Variants in GMDS observed in about 807,000 individuals in gnomAD.
GMDS encodes GDP-mannose 4,6-dehydratase.
Under a neutral mutation model 49.9 loss-of-function variants are expected in GMDS, and 20 were observed. The ratio of observed to expected loss-of-function variants is 0.40; its 90% confidence interval spans 0.28 to 0.58. The LOEUF (loss-of-function observed/expected upper bound fraction) is 0.58. GMDS is among the 20% of genes least tolerant of loss of function. The pLI, the probability that GMDS is intolerant of heterozygous loss-of-function variation, is 0.42. For synonymous variants in GMDS, 177 were observed against 178.6 expected, an observed-to-expected ratio of 0.99 and a Z score of 0.07; for missense variants, 362 against 481.4, an observed-to-expected ratio of 0.75 and a Z score of 2.32.
At chr6:2,024,127 T>C (rs1210020021) in intron 4 of GMDS, among the ~76,000 whole-genome samples, 1 of 151,932 alleles carries the variant, frequency 6.6e-6, no homozygotes, top group East Asian at 1.9e-4. Context: ...ATAGCAAAAA[T>C]AGATAGTAAG....
intron 4 of GMDS, among the ~76,000 whole-genome samples, chr6:2,080,494 T>C (rs1046406423): frequency 1.3e-5 from 2 of 152,202 alleles, no homozygotes; most frequent in Non-Finnish European, 2.9e-5. Context: ...TGAACATGTA[T>C]CTATGGTGTT....
intron 9 of GMDS, among the ~76,000 whole-genome samples, chr6:1,675,936 C>T (rs1333591460): frequency 6.6e-6 from 1 of 151,998 alleles, no homozygotes; most frequent in African/African-American, 2.4e-5. Context: ...ATAAACACCT[C>T]TACACAAATA....
At chr6:2,210,764 T>C (rs1780028274) in intron 1 of GMDS, among the ~76,000 whole-genome samples, 1 of 152,184 alleles carries the variant, frequency 6.6e-6, no homozygotes, top group Admixed American at 6.5e-5. Flanking sequence ...TCACACCACA[T>C]GTAGTTCATC....
chr6:1,975,552 G>C (rs1352514517), intron 4 of GMDS, among the ~76,000 whole-genome samples: 1 of 152,218 alleles, frequency 6.6e-6, no homozygotes, highest in East Asian at 1.9e-4. Context: ...GGCCAGTTTA[G>C]AGATTATTCT....
At chr6:1,921,786 A>G (rs549124287) in intron 7 of GMDS, among the ~76,000 whole-genome samples, 6 of 152,322 alleles carry the variant, frequency 3.9e-5, no homozygotes, top group Non-Finnish European at 5.9e-5. Flanking sequence ...TTCTAAATAC[A>G]GATAAAGGAG....
chr6:2,012,807 A>C (rs757960727), intron 4 of GMDS, among the ~76,000 whole-genome samples: 1 of 152,124 alleles, frequency 6.6e-6, no homozygotes, highest in Non-Finnish European at 1.5e-5. Flanking sequence ...AGGAGTCCCC[A>C]CACTTTTAAG....
intron 4 of GMDS, among the ~76,000 whole-genome samples, chr6:1,966,620 C>T (rs1243028155): frequency 1.3e-5 from 2 of 152,162 alleles, no homozygotes; most frequent in Non-Finnish European, 2.9e-5. Context: ...ATCACTCAGT[C>T]CGAGGTCTCA....
intron 7 of GMDS, among the ~76,000 whole-genome samples, chr6:1,887,035 A>T (rs566001562): frequency 4.8e-4 from 73 of 152,356 alleles, no homozygotes; most frequent in South Asian, 2.3e-3. Context: ...AAATACTTCT[A>T]TCAGATCCAT....
chr6:2,134,188 A>G (rs1464883825), intron 1 of GMDS, among the ~76,000 whole-genome samples: 1 of 152,184 alleles, frequency 6.6e-6, no homozygotes, highest in East Asian at 1.9e-4. Context: ...CACAGAAATA[A>G]AGGGGATAAA....
chr6:1,959,597 A>G (rs1763828264), intron 6 of GMDS: 1 of 243,612 alleles, frequency 4.1e-6, no homozygotes, highest in African/African-American at 2.2e-5. Context: ...CAGGTTGAAA[A>G]CAAGCTTGAT....
chr6:1,904,355 G>A (rs934685419), intron 7 of GMDS, among the ~76,000 whole-genome samples: 7 of 152,112 alleles, frequency 4.6e-5, no homozygotes, highest in Middle Eastern at 3.2e-3. Flanking sequence ...ATTTGCATTC[G>A]GGGGCTGCTC....
At chr6:2,132,219 G>C (rs1384022706) in intron 1 of GMDS, among the ~76,000 whole-genome samples, 2 of 152,062 alleles carry the variant, frequency 1.3e-5, no homozygotes. Context: ...TCACTAATAG[G>C]ATCGATCCCT....
intron 1 of GMDS, among the ~76,000 whole-genome samples, chr6:2,139,327 A>G (rs1430060403): frequency 6.6e-6 from 1 of 152,264 alleles, no homozygotes; most frequent in Admixed American, 6.5e-5. Flanking sequence ...GAAAAAGTAT[A>G]TACTGAATAA....
At chr6:2,088,837 A>C (rs1192518572) in intron 4 of GMDS, among the ~76,000 whole-genome samples, 3 of 152,158 alleles carry the variant, frequency 2.0e-5, no homozygotes, top group African/African-American at 7.2e-5. Context: ...ATACACTGAG[A>C]AACTGAGAGC....
intron 9 of GMDS, among the ~76,000 whole-genome samples, chr6:1,724,909 CCTA>C (rs1766520417): frequency 6.6e-6 from 1 of 152,202 alleles, no homozygotes; most frequent in South Asian, 2.1e-4. Context: ...ACTCCACAGC[CCTA>C]CCTCTCCCAA....
chr6:1,714,535 T>C (rs1236859191), intron 9 of GMDS, among the ~76,000 whole-genome samples: 1 of 152,220 alleles, frequency 6.6e-6, no homozygotes, highest in Non-Finnish European at 1.5e-5. Flanking sequence ...GTAGAACTTA[T>C]TTCTCACTTT....
At chr6:2,120,788 C>A (rs527480622) in intron 2 of GMDS, among the ~76,000 whole-genome samples, 1 of 152,276 alleles carries the variant, frequency 6.6e-6, no homozygotes, top group South Asian at 2.1e-4. Context: ...TCCCTTATGA[C>A]AGGAAGAAAT....
intron 9 of GMDS, among the ~76,000 whole-genome samples, chr6:1,662,620 A>G (rs1239675643): frequency 1.3e-5 from 2 of 152,096 alleles, no homozygotes; most frequent in Non-Finnish European, 2.9e-5. Context: ...ATCCAAGGAG[A>G]AGCAGGCAAG....
intron 1 of GMDS, among the ~76,000 whole-genome samples, chr6:2,221,393 T>A (rs548422921): frequency 9.0e-4 from 137 of 152,306 alleles, no homozygotes; most frequent in African/African-American, 3.0e-3. Flanking sequence ...TGTTCTTTTT[T>A]TTTTTGAGAC....
Sources: allele counts gnomAD v4.1 joint callset (sites outside exome capture counted in the v4.1 genomes callset), GRCh38; gene constraint gnomAD v4.1.1; transcripts MANE v1.5; gene names NCBI Gene and HGNC (gene_info 2026-07-23, HGNC 2026-07-21).